The following TMEM164 variants were observed in gnomAD, a reference collection of about 807,000 sequenced individuals.
The protein encoded by TMEM164 is transmembrane protein 164, also known as RP13-360B22.2.
TMEM164 carries 4 observed loss-of-function variants against 18.8 expected under a neutral mutation model. The observed-to-expected ratio is 0.21, with a 90% confidence interval of 0.10 to 0.49. TMEM164 has a LOEUF of 0.49. Among genes scored for constraint, TMEM164 ranks in the 20% least tolerant of loss-of-function variants. TMEM164 has a pLI of 0.98. For synonymous variants in TMEM164, 86 were observed against 101.7 expected (o/e 0.85, Z 0.93); for missense variants, 108 against 239.9 (o/e 0.45, Z 3.63).
chrX:110,115,590 T>C (rs2066350500), intron 4 of TMEM164, among the ~76,000 whole-genome samples: 1 of 111,595 alleles, frequency 9.0e-6, no homozygotes, highest in African/African-American at 3.3e-5. Context: ...TCTTAAATCC[T>C]TGATGAATCC....
chrX:110,020,515 T>A, intron 2 of TMEM164: 1 of 754,090 alleles, frequency 1.3e-6, no homozygotes, highest in Non-Finnish European at 1.6e-6. Context: ...CTGGGGAATG[T>A]CTCCTTTGGG....
At chrX:110,147,402 A>G (rs1175110263) in intron 5 of TMEM164, among the ~76,000 whole-genome samples, 2 of 111,766 alleles carry the variant, frequency 1.8e-5, no homozygotes, top group African/African-American at 3.3e-5. Flanking sequence ...CTAATTAACA[A>G]ACTATATTTC....
intron 3 of TMEM164, among the ~76,000 whole-genome samples, chrX:110,096,539 G>T (rs2066021978): frequency 8.9e-6 from 1 of 112,557 alleles, no homozygotes; most frequent in South Asian, 3.6e-4. Context: ...CATTGGAAAA[G>T]CGCAGTATTA....
At chrX:110,162,373 G>A (rs1268720102) in intron 5 of TMEM164, among the ~76,000 whole-genome samples, 1 of 112,407 alleles carries the variant, frequency 8.9e-6, no homozygotes, top group Admixed American at 9.4e-5. Flanking sequence ...CCTCATGGAT[G>A]AAGGTGGGTC....
chrX:110,088,795 G>T (rs1285199723), intron 3 of TMEM164, among the ~76,000 whole-genome samples: 2 of 112,182 alleles, frequency 1.8e-5, no homozygotes, highest in African/African-American at 3.2e-5. Context: ...AGTTCCTAGA[G>T]CAGGGACTGC....
In TMEM164 at chrX:110,068,062, T is replaced by G. The variant is rs1469665355; in HGVS notation, c.440+666T>G. Among the ~76,000 whole-genome samples, 6 of 112,716 alleles carry G rather than the reference T, an allele frequency of 5.3e-5. No homozygotes were observed. In the Admixed American group the frequency reaches 5.6e-4, roughly 11 times the overall value. ...GAGAAGCCAAATCGACTGAATTAAT[T>G]TCATCTCTTTTCTCCTTCCCTGGCC... On this transcript the variant is annotated intron_variant, in intron 3 of 6. Transcript: ENST00000372068.
chrX:110,106,373 C>CTT lies in TMEM164; in HGVS notation c.441-2690_441-2689dup, dbSNP rs533400529. ...GGCAAAGCCTGGCACCAGAATCCAG[C>CTT]TTTTTTTTTTTTTTTTTTGAGATGC... On this transcript the variant is annotated intron_variant, in intron 3 of 6. Coordinates refer to ENST00000372068, the MANE Select transcript of TMEM164 (RefSeq NM_032227.4). 5.8e-3 allele frequency among the ~76,000 whole-genome samples: 538 copies of CTT among 92,904 alleles called. 11 individuals are homozygous for CTT. The highest frequency in any genetic ancestry group is 0.02 in the African/African-American group (498 of 24,858). The allele number at this position is 92,904 out of a possible 115,157, so 80.7% of individuals were successfully genotyped here.
intron 4 of TMEM164, among the ~76,000 whole-genome samples, chrX:110,113,722 G>T (rs1388031277): frequency 1.8e-5 from 2 of 110,958 alleles, no homozygotes; most frequent in South Asian, 7.6e-4. Flanking sequence ...GTTCTACTCT[G>T]CCCTGTGACT....
chrX:110,173,723 T>C lies in TMEM164; in HGVS notation c.*272T>C, dbSNP rs373836050. The C allele has an allele frequency of 7.7e-5, 27 of 352,484 alleles. No individual in the cohort carries two copies. The highest frequency in any genetic ancestry group is 5.3e-4 in the African/African-American group (20 of 37,706). The allele number at this position is 352,484 out of a possible 1,213,427, so 29.0% of individuals were successfully genotyped here. A position where few individuals can be genotyped will look rare whatever the true frequency, so the allele number is the denominator to read the frequency against. Reference sequence around the variant, plus strand: ...CTCCTAGTGGCCTTACATGGGGAGATTGCAGTGAGCGGCTCTTTCACTCTG... The same window carrying C: ...CTCCTAGTGGCCTTACATGGGGAGACTGCAGTGAGCGGCTCTTTCACTCTG... On this transcript the variant is annotated 3_prime_UTR_variant, in exon 7 of 7. Coordinates refer to ENST00000372068, the MANE Select transcript of TMEM164 (RefSeq NM_032227.4).
At chrX:110,078,286 A>G (rs1350301497) in intron 3 of TMEM164, among the ~76,000 whole-genome samples, 3 of 111,921 alleles carry the variant, frequency 2.7e-5, no homozygotes, top group Admixed American at 9.5e-5. Flanking sequence ...AAACTTGTGT[A>G]GTGAAGTTTT....
At position 110,100,855 on chromosome X, in the gene TMEM164, T is replaced by C. The variant is rs770762779; in HGVS notation, c.441-8225T>C. Among the ~76,000 whole-genome samples the C allele has an allele frequency of 1.8e-4, 20 of 111,216 alleles. 1 individual carries two copies. Among genetic ancestry groups the C allele is most frequent in the Non-Finnish European group, 3.0e-4 (16 of 52,933 alleles). On this transcript the variant is annotated intron_variant, in intron 3 of 6. Coordinates refer to ENST00000372068, the MANE Select transcript of TMEM164 (RefSeq NM_032227.4). ...CCGCCCACCTCAGCCTCCCAAAGTG[T>C]TGGGATTACAGGTGTGAGCCACCGT...
chrX:110,091,262 A>G (rs912367230), intron 3 of TMEM164, among the ~76,000 whole-genome samples: 4 of 112,438 alleles, frequency 3.6e-5, no homozygotes, highest in East Asian at 2.8e-4. Flanking sequence ...TTCTAGTTCT[A>G]TATCCTTGAG....
At chrX:110,058,519 T>C (rs1417906905) in intron 2 of TMEM164, among the ~76,000 whole-genome samples, 1 of 109,276 alleles carries the variant, frequency 9.2e-6, no homozygotes, top group Non-Finnish European at 1.9e-5. Context: ...AAGAGCTATT[T>C]ATTCTGAATA....
intron 4 of TMEM164, among the ~76,000 whole-genome samples, chrX:110,122,649 G>A (rs1602663809): frequency 1.8e-5 from 2 of 111,566 alleles, no homozygotes; most frequent in African/African-American, 6.5e-5. Flanking sequence ...TTCAGATTTC[G>A]GATTTTTGAA....
At chrX:110,029,162 T>C (rs1205456759) in intron 2 of TMEM164, among the ~76,000 whole-genome samples, 1 of 111,137 alleles carries the variant, frequency 9.0e-6, no homozygotes, top group Non-Finnish European at 1.9e-5. Context: ...TCTTGAAGAG[T>C]TCTTAAATTT....
chrX:110,111,370 C>T (rs1011990659), intron 4 of TMEM164, among the ~76,000 whole-genome samples: 16 of 112,794 alleles, frequency 1.4e-4, no homozygotes, highest in Non-Finnish European at 2.4e-4. Flanking sequence ...AAGTTACTTC[C>T]TGCTTGTGGA....
In TMEM164 at chrX:110,024,991, G is replaced by GGTGTGT. The variant is rs3082762; in HGVS notation, c.390+20850_390+20855dup. Among the ~76,000 whole-genome samples the GGTGTGT allele has an allele frequency of 8.6e-4, 86 of 100,206 alleles. 1 individual carries two copies. Among genetic ancestry groups the GGTGTGT allele is most frequent in the African/African-American group, 2.2e-3 (60 of 27,216 alleles). 87.0% of individuals were successfully genotyped at this position (100,206 alleles called of 115,157 possible). Reference sequence around the variant, plus strand: ...AATTTTTATGTTGTTGTTATTGTTGGGTGTGTGTGTGTGTGTGTGTGTGTG... The same window carrying GGTGTGT: ...AATTTTTATGTTGTTGTTATTGTTGGGTGTGTGTGTGTGTGTGTGTGTGTGTGTGTG... On this transcript the variant is annotated intron_variant, in intron 2 of 6. Transcript: ENST00000372068.
At chrX:110,162,548 C>T (rs766432972) in intron 5 of TMEM164, among the ~76,000 whole-genome samples, 3 of 111,957 alleles carry the variant, frequency 2.7e-5, no homozygotes, top group Non-Finnish European at 5.6e-5. Context: ...CTTCCAAGTA[C>T]AGTAAACAGA....
chrX:110,007,344 G>A (rs4893445), intron 2 of TMEM164, among the ~76,000 whole-genome samples: 50,592 of 111,292 alleles, frequency 0.45, 8,281 homozygotes, highest in East Asian at 0.81. Flanking sequence ...ACCTAGCACT[G>A]TCTCACAGCT....
Sources: allele counts gnomAD v4.1 joint callset (sites outside exome capture counted in the v4.1 genomes callset), GRCh38; gene constraint gnomAD v4.1.1; transcripts MANE v1.5; gene names NCBI Gene and HGNC (gene_info 2026-07-23, HGNC 2026-07-21).